Variants in PRR5L observed in about 807,000 individuals in gnomAD.
The protein encoded by PRR5L is proline-rich protein 5-like.
In PRR5L, 21 loss-of-function variants were observed where a neutral mutation model predicts 36.4. That is an observed-to-expected ratio of 0.58 (90% confidence interval 0.41 to 0.83). The LOEUF (loss-of-function observed/expected upper bound fraction) is 0.83, where lower values mean the gene tolerates loss of function less well. Ranked by LOEUF, PRR5L falls within the 40% of genes least tolerant of loss-of-function variation. The pLI is 0.00. For missense variants in PRR5L, 381 were observed against 473.3 expected (o/e 0.80, Z 1.81); for synonymous variants, 188 against 197.0 (o/e 0.95, Z 0.38).
At chr11:36,309,240 C>T (rs1016342435) in intron 1 of PRR5L, among the ~76,000 whole-genome samples, 5 of 152,126 alleles carry the variant, frequency 3.3e-5, no homozygotes, top group Non-Finnish European at 7.4e-5. Flanking sequence ...GTTTTCTGAC[C>T]TATTCTCACC....
At chr11:36,381,290 T>G (rs1209045961) in intron 1 of PRR5L, among the ~76,000 whole-genome samples, 1 of 152,206 alleles carries the variant, frequency 6.6e-6, no homozygotes, top group Non-Finnish European at 1.5e-5. Flanking sequence ...TGATGGCATC[T>G]TTGGCAGCAG....
At chr11:36,446,252 A>G (rs1275405804) in intron 6 of PRR5L, 48 bp from the exon 7 acceptor site, 1 of 1,602,174 alleles carries the variant, frequency 6.2e-7, no homozygotes, top group South Asian at 1.1e-5. Flanking sequence ...TCGGTGGCAG[A>G]TTCAGTAAGC....
chr11:36,371,182 C>T (rs1224973008), intron 1 of PRR5L, among the ~76,000 whole-genome samples: 2 of 152,192 alleles, frequency 1.3e-5, no homozygotes, highest in South Asian at 4.1e-4. Context: ...ATCCAAAATT[C>T]TCCCAAAAAG....
Position 36,432,302 on chromosome 11 carries a change from T to C in PRR5L, c.352+392T>C, listed in dbSNP as rs987031062. Reference sequence around the variant, plus strand: ...CCGAGCTATTTCCTACAGGCCTTTGTAATATTTCTGGGGAGTCATAGAAGA... The same window carrying C: ...CCGAGCTATTTCCTACAGGCCTTTGCAATATTTCTGGGGAGTCATAGAAGA... On this transcript the variant is annotated intron_variant, in intron 5 of 8. Coordinates refer to ENST00000530639, the MANE Select transcript of PRR5L (RefSeq NM_001160167.2). Among the ~76,000 whole-genome samples, 8 of 152,152 alleles carry C rather than the reference T, an allele frequency of 5.3e-5. 1 individual carries two copies. Among genetic ancestry groups the C allele is most frequent in the African/African-American group, 1.2e-4 (5 of 41,442 alleles).
intron 4 of PRR5L, among the ~76,000 whole-genome samples, chr11:36,420,981 G>C (rs972218437): frequency 3.3e-5 from 5 of 152,144 alleles, no homozygotes; most frequent in African/African-American, 1.2e-4. Context: ...TGTTCAGGGA[G>C]AGACAAACAT....
chr11:36,320,239 C>A (rs1856600603), intron 1 of PRR5L, among the ~76,000 whole-genome samples: 2 of 94,894 alleles, frequency 2.1e-5, no homozygotes, highest in African/African-American at 4.1e-5. Context: ...AACTGGGAAT[C>A]TTTTTTTTTT....
chr11:36,373,381 A>G (rs1464249236), intron 1 of PRR5L, among the ~76,000 whole-genome samples: 2 of 152,188 alleles, frequency 1.3e-5, no homozygotes, highest in African/African-American at 4.8e-5. Flanking sequence ...CAAGCATCAT[A>G]TATTGGCATT....
chr11:36,416,287 C>T (rs1858141290), intron 3 of PRR5L, among the ~76,000 whole-genome samples: 1 of 152,136 alleles, frequency 6.6e-6, no homozygotes, highest in African/African-American at 2.4e-5. Context: ...ACTGATTTGC[C>T]CAGGTAGAGC....
At chr11:36,343,090 G>A (rs779426414) in intron 1 of PRR5L, among the ~76,000 whole-genome samples, 9 of 152,186 alleles carry the variant, frequency 5.9e-5, no homozygotes, top group East Asian at 1.9e-4. Flanking sequence ...AAGGGCTGAC[G>A]ATCTCAAAGG....
intron 1 of PRR5L, among the ~76,000 whole-genome samples, chr11:36,312,694 G>A (rs1340563459): frequency 1.3e-5 from 2 of 152,246 alleles, no homozygotes; most frequent in Non-Finnish European, 2.9e-5. Context: ...TTGTAAAACA[G>A]GAATACTGGT....
Position 36,383,764 on chromosome 11 carries a change from C to T in PRR5L, c.-125-17233C>T, listed in dbSNP as rs373003197. On this transcript the variant is annotated intron_variant, in intron 1 of 8. Transcript: ENST00000530639. Reference sequence around the variant, plus strand: ...AGGCTGGAGTGCAATGGTGTGATCACGGATCACTGCAATCACTGCCTCCCG... The same window carrying T: ...AGGCTGGAGTGCAATGGTGTGATCATGGATCACTGCAATCACTGCCTCCCG... 9.6e-5 allele frequency among the ~76,000 whole-genome samples: 14 copies of T among 146,342 alleles called. No individual in the cohort carries two copies. In the East Asian group the frequency reaches 1.7e-3, roughly 17 times the overall value.
In PRR5L at chr11:36,457,814, G is replaced by T. The variant is rs147072545; in HGVS notation, c.713-4528G>T. ...CGTCCTGTCTCCTGCTAGACTGGTTGTAGGGTTCAGGTCCCCACATGGGTT... is the reference window on the plus strand; with the variant it reads ...CGTCCTGTCTCCTGCTAGACTGGTTTTAGGGTTCAGGTCCCCACATGGGTT... On this transcript the variant is annotated intron_variant, in intron 8 of 8. Coordinates refer to ENST00000530639, the MANE Select transcript of PRR5L (RefSeq NM_001160167.2). Among the ~76,000 whole-genome samples, 28 of 152,288 alleles carry T rather than the reference G, an allele frequency of 1.8e-4. No homozygotes were observed. In the East Asian group the frequency reaches 5.4e-3, roughly 29 times the overall value.
chr11:36,422,550 G>C (rs1858290813), intron 4 of PRR5L, among the ~76,000 whole-genome samples: 1 of 152,168 alleles, frequency 6.6e-6, no homozygotes, highest in Non-Finnish European at 1.5e-5. Flanking sequence ...CCAACTCTGA[G>C]CTTGCCACTC....
At chr11:36,428,135 ACT>A (rs1858420609) in intron 4 of PRR5L, among the ~76,000 whole-genome samples, 1 of 151,968 alleles carries the variant, frequency 6.6e-6, no homozygotes, top group African/African-American at 2.4e-5. Context: ...CACCAACATG[ACT>A]CTGTCAGCAC....
intron 1 of PRR5L, among the ~76,000 whole-genome samples, chr11:36,299,481 C>T (rs932939553): frequency 6.6e-6 from 1 of 152,192 alleles, no homozygotes; most frequent in African/African-American, 2.4e-5. Context: ...AGAGGGAAAC[C>T]AGTTTCGTGC....
At chr11:36,395,476 C>T (rs34567008) in intron 1 of PRR5L, among the ~76,000 whole-genome samples, 20,958 of 152,192 alleles carry the variant, frequency 0.14, 1,969 homozygotes, top group African/African-American at 0.27. Flanking sequence ...TGGCTAGTGG[C>T]TACCATATTG....
intron 7 of PRR5L, among the ~76,000 whole-genome samples, chr11:36,450,327 T>C (rs1258055904): frequency 1.3e-5 from 2 of 152,168 alleles, no homozygotes; most frequent in Non-Finnish European, 2.9e-5. Context: ...CACAGCCCCA[T>C]GGAGATTTGT....
Position 36,432,674 on chromosome 11 carries a change from G to A in PRR5L, c.352+764G>A, listed in dbSNP as rs78547400. 2.0e-5 allele frequency among the ~76,000 whole-genome samples: 3 copies of A among 152,208 alleles called. No individual in the cohort carries two copies. In the East Asian group the frequency reaches 5.8e-4, roughly 30 times the overall value. ...GGGTTGTAGGGAATATAAGGCACAT[G>A]AGTGGCATAACACCATACCTGGCAC... is the stretch of plus-strand genomic sequence containing the variant. On this transcript the variant is annotated intron_variant, in intron 5 of 8. Transcript: ENST00000530639.
intron 1 of PRR5L, among the ~76,000 whole-genome samples, chr11:36,357,618 G>A (rs980422097): frequency 6.6e-6 from 1 of 152,052 alleles, no homozygotes; most frequent in Non-Finnish European, 1.5e-5. Context: ...CCTGTGCTCT[G>A]TTAGGGAAAC....
Sources: gnomAD v4.1 joint callset for allele counts (sites outside exome capture counted in the v4.1 genomes callset) on GRCh38, gnomAD v4.1.1 for gene constraint, MANE v1.5 for transcripts, NCBI Gene and HGNC (gene_info 2026-07-23, HGNC 2026-07-21) for gene names.